Variants in PARVA observed in about 807,000 individuals in gnomAD.
The protein encoded by PARVA is alpha-parvin.
PARVA carries 25 observed loss-of-function variants against 52.6 expected under a neutral mutation model. The observed-to-expected ratio is 0.48, with a 90% CI of 0.35 to 0.66. The LOEUF is 0.66. PARVA is among the 30% of genes least tolerant of loss of function. The pLI is 0.01. For synonymous variants in PARVA, 185 were observed against 179.1 expected, an observed-to-expected ratio of 1.03 and a Z score of -0.26; for missense variants, 373 against 450.9, an observed-to-expected ratio of 0.83 and a Z score of 1.56.
chr11:12,406,210 AAATTCAGGCAGGAATTAATT>A (rs1280637403), intron 1 of PARVA, among the ~76,000 whole-genome samples: 5 of 152,238 alleles, frequency 3.3e-5, no homozygotes, highest in Admixed American at 3.3e-4. Flanking sequence ...AGCAGGCTGG[AAATTCAGGCAGGAATTAATT>A]AATTCTATTG....
intron 7 of PARVA, 86 bp from the exon 8 acceptor site, chr11:12,511,428 C>T (rs1941501122): frequency 2.1e-6 from 3 of 1,434,950 alleles, no homozygotes; most frequent in South Asian, 2.4e-5. Flanking sequence ...GGGCTTCCAG[C>T]AGTGATGGAG....
intron 1 of PARVA, among the ~76,000 whole-genome samples, chr11:12,423,351 G>GTTTTTTTTT (rs869105706): frequency 9.5e-6 from 1 of 104,716 alleles, no homozygotes; most frequent in African/African-American, 3.7e-5. Flanking sequence ...GCTAATTTTT[G>GTTTTTTTTT]TTTTTTTTTT....
intron 1 of PARVA, among the ~76,000 whole-genome samples, chr11:12,381,692 TAAAC>T (rs760995398): frequency 2.6e-4 from 40 of 152,234 alleles, no homozygotes; most frequent in Non-Finnish European, 4.1e-4. Flanking sequence ...TACTTAACAA[TAAAC>T]AAACTGGAGA....
At chr11:12,508,836 G>A (rs767786869) in intron 7 of PARVA, among the ~76,000 whole-genome samples, 194 bp downstream of exon 7, 5 of 152,144 alleles carry the variant, frequency 3.3e-5, no homozygotes, top group Non-Finnish European at 7.4e-5. Context: ...AAACTTGGGT[G>A]GGGAAGTAGG....
chr11:12,410,721 G>GA (rs142364702), intron 1 of PARVA, among the ~76,000 whole-genome samples: 2,383 of 152,296 alleles, frequency 0.016, 76 homozygotes, highest in African/African-American at 0.054. Flanking sequence ...TCCTCCAGTG[G>GA]AAAACTACTG....
chr11:12,433,412 G>C (rs902952419), intron 1 of PARVA, among the ~76,000 whole-genome samples: 1 of 152,188 alleles, frequency 6.6e-6, no homozygotes, highest in African/African-American at 2.4e-5. Flanking sequence ...TGATACCTTA[G>C]TTTTAAGTGA....
intron 1 of PARVA, among the ~76,000 whole-genome samples, chr11:12,410,835 C>A (rs563180616): frequency 6.6e-6 from 1 of 152,292 alleles, no homozygotes; most frequent in South Asian, 2.1e-4. Context: ...AATAAAGTAT[C>A]GCATGGAATG....
At chr11:12,410,972 A>C (rs1589947265) in intron 1 of PARVA, among the ~76,000 whole-genome samples, 1 of 152,220 alleles carries the variant, frequency 6.6e-6, no homozygotes, top group African/African-American at 2.4e-5. Context: ...TCAGCTGTAA[A>C]ATGGGGGTGT....
chr11:12,494,746 A>G (rs1342268111), intron 4 of PARVA, among the ~76,000 whole-genome samples: 1 of 152,202 alleles, frequency 6.6e-6, no homozygotes, highest in African/African-American at 2.4e-5. Context: ...AATCTGTTCA[A>G]TGCCAGATTT....
chr11:12,450,369 C>A (rs1348707223), intron 1 of PARVA, among the ~76,000 whole-genome samples: 1 of 152,166 alleles, frequency 6.6e-6, no homozygotes, highest in Non-Finnish European at 1.5e-5. Context: ...TGTCTGTTTT[C>A]CCCACTGCAC....
upstream of PARVA, among the ~76,000 whole-genome samples, chr11:12,376,974 C>T (rs1939397587): frequency 6.6e-6 from 1 of 152,198 alleles, no homozygotes; most frequent in Non-Finnish European, 1.5e-5. Flanking sequence ...GGATGTCTTA[C>T]AAGAATAAGA....
At position 12,529,473 on chromosome 11, in the gene PARVA, G is replaced by C. The variant is rs1411911194; in HGVS notation, c.*1548G>C. ...CTTGGGCTAAATAATCAATTGTGCT[G>C]ATATTACATCTCGTTATGGAATGTT... On this transcript the variant is annotated 3_prime_UTR_variant, in exon 13 of 13. Coordinates refer to ENST00000334956, the MANE Select transcript of PARVA (RefSeq NM_018222.5). 1 of 152,182 alleles carries C rather than the reference G, an allele frequency of 6.6e-6. No homozygotes were observed. The allele number at this position is 152,182 out of a possible 1,614,324, so 9.4% of individuals were successfully genotyped here.
In PARVA at chr11:12,532,495, A is replaced by G. The variant is rs1198118830; in HGVS notation, c.*4570A>G. ...TCTGAACTCAGGACTTCATTTAGTC[A>G]TATATTCGGCAAGTATGTGTTGAGT... On this transcript the variant is annotated 3_prime_UTR_variant, in exon 13 of 13. Transcript: ENST00000334956. Among the ~76,000 whole-genome samples, 2 of 152,164 alleles carry G rather than the reference A, an allele frequency of 1.3e-5. No homozygotes were observed. Among genetic ancestry groups the G allele is most frequent in the Non-Finnish European group, 2.9e-5 (2 of 68,038 alleles).
intron 4 of PARVA, 89 bp from the exon 5 acceptor site, chr11:12,496,369 T>TGCATGCATGAGTGCAG: frequency 1.7e-5 from 23 of 1,371,006 alleles, no homozygotes; most frequent in Non-Finnish European, 2.2e-5. Flanking sequence ...CATGAGTGCA[T>TGCATGCATGAGTGCAG]GAGAGACCGA....
At chr11:12,459,032 G>A (rs1940737743) in intron 1 of PARVA, among the ~76,000 whole-genome samples, 1 of 152,168 alleles carries the variant, frequency 6.6e-6, no homozygotes, top group African/African-American at 2.4e-5. Flanking sequence ...ATTGGAGAAA[G>A]GAGACAACTC....
Position 12,446,405 on chromosome 11 carries a change from A to G in PARVA, c.137-27340A>G, listed in dbSNP as rs539883354. On this transcript the variant is annotated intron_variant, in intron 1 of 12. Coordinates refer to ENST00000334956, the MANE Select transcript of PARVA (RefSeq NM_018222.5). ...CCCATACACTCAAGAAGGCATTATA[A>G]TTTTTTTTCCTTCCTAGAGAACAGT... 1.0e-3 allele frequency among the ~76,000 whole-genome samples: 152 copies of G among 152,204 alleles called. 3 individuals are homozygous for G. Among genetic ancestry groups the G allele is most frequent in the African/African-American group, 3.5e-3 (147 of 41,526 alleles).
At chr11:12,383,274 G>C (rs1391956444) in intron 1 of PARVA, among the ~76,000 whole-genome samples, 3 of 152,144 alleles carry the variant, frequency 2.0e-5, no homozygotes, top group Non-Finnish European at 4.4e-5. Context: ...ACTTGCCAGA[G>C]GGCCACTTTT....
At chr11:12,425,170 G>GT (rs1191850044) in intron 1 of PARVA, among the ~76,000 whole-genome samples, 1 of 152,162 alleles carries the variant, frequency 6.6e-6, no homozygotes, top group Non-Finnish European at 1.5e-5. Context: ...CTTTAGAAGT[G>GT]TGTAGAGAGG....
intron 1 of PARVA, among the ~76,000 whole-genome samples, chr11:12,470,005 A>G (rs906840276): frequency 8.5e-5 from 13 of 152,234 alleles, no homozygotes; most frequent in Non-Finnish European, 1.9e-4. Context: ...TGGCTATACA[A>G]CAAGTCTTGG....
Sources: gnomAD v4.1 joint callset for allele counts (sites outside exome capture counted in the v4.1 genomes callset) on GRCh38, gnomAD v4.1.1 for gene constraint, MANE v1.5 for transcripts, NCBI Gene and HGNC (gene_info 2026-07-23, HGNC 2026-07-21) for gene names.